PTPRA: variants seen among roughly 807,000 people sequenced by gnomAD.
The protein encoded by PTPRA is protein tyrosine phosphatase receptor type A.
A neutral mutation model predicts 104.8 loss-of-function variants in PTPRA; 25 were observed. That is an observed-to-expected ratio of 0.24 (90% CI 0.17 to 0.33). The LOEUF (loss-of-function observed/expected upper bound fraction) is 0.33. Ranked by LOEUF, PTPRA falls within the 10% of genes least tolerant of loss-of-function variation. PTPRA has a pLI of 1.00. For missense variants in PTPRA, 765 were observed against 1,015.3 expected, an observed-to-expected ratio of 0.75 and a Z score of 3.35; for synonymous variants, 323 against 368.9, an observed-to-expected ratio of 0.88 and a Z score of 1.43.
intron 2 of PTPRA, among the ~76,000 whole-genome samples, chr20:2,924,285 C>T (rs1342075973): frequency 3.3e-5 from 5 of 152,146 alleles, no homozygotes; most frequent in Admixed American, 3.3e-4. Context: ...GCCTGTAATC[C>T]CAGCTACTCA....
In PTPRA at chr20:3,035,273, AAAAG is replaced by A. The variant is rs1024027403; in HGVS notation, c.1921-307_1921-304del. On this transcript the variant is annotated intron_variant, in intron 20 of 23. Coordinates refer to ENST00000399903, the MANE Select transcript of PTPRA (RefSeq NM_001385305.1). This position sits in a 1 kb window ranked among gnomAD's most constrained non-coding sequence, Gnocchi z 5.8. ...AAATATGAAAACACCCCATGGGAGAAAAAGAAAGGAATTGGAACAAAGATTTTCA... is the reference window on the plus strand; with the variant it reads ...AAATATGAAAACACCCCATGGGAGAAAAAGGAATTGGAACAAAGATTTTCA... Among the ~76,000 whole-genome samples the A allele has an allele frequency of 2.0e-4, 30 of 152,256 alleles. No individual in the cohort carries two copies. Among genetic ancestry groups the A allele is most frequent in the African/African-American group, 6.7e-4 (28 of 41,550 alleles).
chr20:2,921,039 G>A (rs2060078227), intron 1 of PTPRA, among the ~76,000 whole-genome samples: 1 of 151,952 alleles, frequency 6.6e-6, no homozygotes, highest in Non-Finnish European at 1.5e-5. Flanking sequence ...TCTTCATTTA[G>A]GTGCATTACA....
intron 2 of PTPRA, among the ~76,000 whole-genome samples, chr20:2,943,033 A>G (rs1275997110): frequency 2.6e-5 from 4 of 151,782 alleles, no homozygotes; most frequent in Non-Finnish European, 5.9e-5. Flanking sequence ...GGATTGATAG[A>G]CTTTTTTACT....
rs1215844274 is a variant in PTPRA, at chr20:3,004,988, G to A, written c.739-68G>A. 2.9e-6 allele frequency: 4 copies of A among 1,384,960 alleles called. No homozygotes were observed. The African/African-American group carries it at 5.7e-5, about 20-fold the overall frequency. The allele number at this position is 1,384,960 out of a possible 1,614,324, so 85.8% of individuals were successfully genotyped here. ...GAACATGCTACCAGGTCAGGGTTTG[G>A]TGCAGCAGTTTGCATGTTTGATGTT... On this transcript the variant is annotated intron_variant, in intron 9 of 23. Coordinates refer to ENST00000399903, the MANE Select transcript of PTPRA (RefSeq NM_001385305.1).
intron 1 of PTPRA, among the ~76,000 whole-genome samples, chr20:2,901,282 TGAG>T (rs1194201234): frequency 1.3e-5 from 2 of 152,094 alleles, no homozygotes; most frequent in Admixed American, 6.6e-5. Flanking sequence ...TTTTTTCCCT[TGAG>T]GAGAATTACA....
At chr20:2,991,689 A>G (rs552144023) in intron 9 of PTPRA, among the ~76,000 whole-genome samples, 1 of 152,258 alleles carries the variant, frequency 6.6e-6, no homozygotes, top group South Asian at 2.1e-4. Flanking sequence ...TCGGATAGAT[A>G]TTGTGGTGAG....
At chr20:2,907,396 T>G (rs75525885) in intron 1 of PTPRA, among the ~76,000 whole-genome samples, 3,353 of 152,124 alleles carry the variant, frequency 0.022, 110 homozygotes, top group African/African-American at 0.064. Flanking sequence ...ATTCAGCTTC[T>G]GTTTCTGACA....
At position 2,965,319 on chromosome 20, in the gene PTPRA, A is replaced by C. The variant is rs182339150; in HGVS notation, c.415+117A>C. 246 of 1,052,382 alleles carry C rather than the reference A, an allele frequency of 2.3e-4. 3 individuals are homozygous for C. In the East Asian group the frequency reaches 4.5e-3, roughly 19 times the overall value. The allele number at this position is 1,052,382 out of a possible 1,614,324, so 65.2% of individuals were successfully genotyped here. ...CAAATAAGTAAAATTGCTCAAGTGA[A>C]GTAATGAAACCTGTATGTGGAATTT... is the stretch of plus-strand genomic sequence containing the variant. On this transcript the variant is annotated intron_variant, in intron 5 of 23. Transcript: ENST00000399903.
rs1473120797 is a variant in PTPRA, at chr20:2,886,674, C to T, written c.-129+12914C>T. On this transcript the variant is annotated intron_variant, in intron 1 of 23. Transcript: ENST00000399903. ...AGCCTGACCAACATGGAGAAACCCC[C>T]GTCTCTACTAAAAAAAAAAAAAAAA... 6.9e-5 allele frequency among the ~76,000 whole-genome samples: 10 copies of T among 144,162 alleles called. No individual in the cohort carries two copies. In the South Asian group the frequency reaches 7.5e-4, roughly 11 times the overall value. The allele number at this position is 144,162 out of a possible 152,430, so 94.6% of individuals were successfully genotyped here.
chr20:2,940,322 C>CT (rs59001573), intron 2 of PTPRA, among the ~76,000 whole-genome samples: 3,509 of 141,012 alleles, frequency 0.025, 147 homozygotes, highest in Admixed American at 0.1. Context: ...CTTTTCTTTT[C>CT]TTTTTTTTTT....
chr20:3,018,845 G>A (rs2064626993), intron 13 of PTPRA, among the ~76,000 whole-genome samples: 1 of 110,190 alleles, frequency 9.1e-6, no homozygotes, highest in African/African-American at 4.4e-5. Flanking sequence ...CGGCTGGCCG[G>A]GCGGGGGGCT....
intron 1 of PTPRA, among the ~76,000 whole-genome samples, chr20:2,891,844 T>C (rs916653904): frequency 4.6e-5 from 7 of 152,198 alleles, no homozygotes; most frequent in African/African-American, 1.7e-4. Context: ...GTGTACTTTA[T>C]AGGCCCTAAA....
chr20:2,869,208 T>TCCTCTATGTCAATCCATC (rs1306494123), upstream of PTPRA, among the ~76,000 whole-genome samples: 1 of 152,032 alleles, frequency 6.6e-6, no homozygotes, highest in African/African-American at 2.4e-5. Context: ...ATCTATCCAT[T>TCCTCTATGTCAATCCATC]CCTCTATGTC....
At position 2,988,386 on chromosome 20, in the gene PTPRA, A is replaced by C; in HGVS notation, c.650A>C (p.Lys217Thr). The change falls in exon 9 of 24, where the codon AAA (lysine) becomes ACA (threonine). Residue 217 changes from lysine (K) to threonine (T), a missense_variant. Physicochemically the swap from Lys to Thr is moderately conservative, Grantham distance 78. Transcript: ENST00000399903. ...LLARSPSTNR[K>T]YPPLPVDKLE... ...GCCAGATCCCCAAGCACCAACAGGAAATACCCACCCCTGCCCGTGGACAAG... is the reference window on the plus strand; with the variant it reads ...GCCAGATCCCCAAGCACCAACAGGACATACCCACCCCTGCCCGTGGACAAG... 6.2e-7 allele frequency: 1 copy of C among 1,611,988 alleles called. No homozygotes were observed. The highest frequency in any genetic ancestry group is 1.3e-5 in the African/African-American group (1 of 74,778).
chr20:3,032,236 C>T (rs1355654408), intron 20 of PTPRA, among the ~76,000 whole-genome samples: 1 of 152,198 alleles, frequency 6.6e-6, no homozygotes, highest in Non-Finnish European at 1.5e-5. Context: ...CTGCATCTCT[C>T]AATCCACCTG....
At position 3,038,248 on chromosome 20, in the gene PTPRA, C is replaced by A; in HGVS notation, c.*115C>A. On this transcript the variant is annotated 3_prime_UTR_variant, in exon 24 of 24. Transcript: ENST00000399903. ...CTTATAACTGTTTTAGAAATTGGTA[C>A]ATAGGCTTCTATTACCTATTAGGTG... is the stretch of plus-strand genomic sequence containing the variant. 1 of 1,000,258 alleles carries A rather than the reference C, an allele frequency of 1.0e-6. No individual in the cohort carries two copies. The highest frequency in any genetic ancestry group is 1.5e-6 in the Non-Finnish European group (1 of 669,520). The allele number at this position is 1,000,258 out of a possible 1,614,324, so 62.0% of individuals were successfully genotyped here. A position where few individuals can be genotyped will look rare whatever the true frequency, so the allele number is the denominator to read the frequency against.
At chr20:2,977,520 C>T (rs2062487441) in intron 6 of PTPRA, among the ~76,000 whole-genome samples, 1 of 151,614 alleles carries the variant, frequency 6.6e-6, no homozygotes, top group Admixed American at 6.6e-5. Flanking sequence ...TGGTACGTAC[C>T]TGTAGTCCCA....
chr20:2,904,666 CAAA>C (rs397865578), intron 1 of PTPRA, among the ~76,000 whole-genome samples: 1 of 66,130 alleles, frequency 1.5e-5, no homozygotes, highest in Admixed American at 1.7e-4. Flanking sequence ...GACTCCGTCT[CAAA>C]AAAAAAAAAA....
chr20:2,910,191 TATG>T (rs2059626390), intron 1 of PTPRA, among the ~76,000 whole-genome samples: 1 of 99,274 alleles, frequency 1.0e-5, no homozygotes, highest in Non-Finnish European at 1.9e-5. Flanking sequence ...ATATATGATA[TATG>T]ATATATATAC....
Sources: gnomAD v4.1 joint callset for allele counts (sites outside exome capture counted in the v4.1 genomes callset) on GRCh38, gnomAD v4.1.1 for gene constraint, Gnocchi (gnomAD v3.1) non-coding constraint, MANE v1.5 for transcripts, NCBI Gene and HGNC (gene_info 2026-07-23, HGNC 2026-07-21) for gene names.